Variants in ALK observed in about 807,000 individuals in gnomAD.
ALK encodes the protein ALK tyrosine kinase receptor.
ALK carries 74 observed loss-of-function variants against 163.1 expected under a neutral mutation model. That is an observed-to-expected ratio of 0.45 (90% CI 0.38 to 0.55). ALK has a LOEUF of 0.55. Ranked by LOEUF, ALK falls within the 20% of genes least tolerant of loss-of-function variation. The pLI, the probability that ALK is intolerant of heterozygous loss-of-function variation, is 0.00. For synonymous variants in ALK, 960 were observed against 843.2 expected (o/e 1.14, Z -2.40); for missense variants, 2,063 against 2,105.3 (o/e 0.98, Z 0.39).
intron 26 of ALK, among the ~76,000 whole-genome samples, chr2:29,200,161 G>A (rs944929848): frequency 9.2e-5 from 14 of 152,094 alleles, no homozygotes; most frequent in African/African-American, 3.1e-4. Flanking sequence ...CAAATTGCCT[G>A]GCACATATAT....
chr2:29,198,966 T>A (rs1669091741), intron 26 of ALK, among the ~76,000 whole-genome samples: 2 of 128,110 alleles, frequency 1.6e-5, no homozygotes. Flanking sequence ...GTTTTCTTTT[T>A]TTTTTTTTAT....
chr2:29,310,650 G>C (rs1015545072), intron 8 of ALK, among the ~76,000 whole-genome samples: 2 of 152,190 alleles, frequency 1.3e-5, no homozygotes, highest in Non-Finnish European at 2.9e-5. Flanking sequence ...TCCCCGCATG[G>C]CTGGCCACAC....
intron 4 of ALK, among the ~76,000 whole-genome samples, chr2:29,456,391 A>G (rs1223453710): frequency 3.9e-5 from 6 of 152,164 alleles, no homozygotes; most frequent in African/African-American, 1.4e-4. Context: ...CTTAAAGAGG[A>G]AAAAAAATTT....
chr2:29,890,258 A>G (rs1283703299), intron 1 of ALK: 3 of 152,226 alleles, frequency 2.0e-5, no homozygotes, highest in Non-Finnish European at 2.9e-5. Context: ...TTTTAGTACC[A>G]TACCTAACCT....
chr2:29,578,255 C>A (rs1674581099), intron 3 of ALK, among the ~76,000 whole-genome samples: 1 of 152,186 alleles, frequency 6.6e-6, no homozygotes, highest in Non-Finnish European at 1.5e-5. Flanking sequence ...CCCTCCTTGC[C>A]TTTCACCATA....
At chr2:29,310,022 G>C (rs990989336) in intron 8 of ALK, among the ~76,000 whole-genome samples, 2 of 152,180 alleles carry the variant, frequency 1.3e-5, no homozygotes, top group Admixed American at 6.5e-5. Flanking sequence ...ATTTTCCTCT[G>C]ATCCTGGTAA....
intron 5 of ALK, among the ~76,000 whole-genome samples, chr2:29,340,029 T>G (rs1308223716): frequency 6.6e-6 from 1 of 152,220 alleles, no homozygotes; most frequent in Admixed American, 6.5e-5. Flanking sequence ...TGTGATCCTT[T>G]CCTAAGGTTT....
intron 4 of ALK, among the ~76,000 whole-genome samples, chr2:29,417,877 G>A (rs138783802): frequency 5.8e-4 from 88 of 152,276 alleles, no homozygotes; most frequent in African/African-American, 2.0e-3. Flanking sequence ...CTTTAGACCC[G>A]AACGCATTTA....
At chr2:29,359,057 T>C (rs576535465) in intron 5 of ALK, among the ~76,000 whole-genome samples, 1 of 152,112 alleles carries the variant, frequency 6.6e-6, no homozygotes, top group East Asian at 1.9e-4. Context: ...ATTACAACAA[T>C]TGTTAAGAAG....
intron 3 of ALK, among the ~76,000 whole-genome samples, chr2:29,546,190 CTCATTT>C (rs1481707943): frequency 6.6e-6 from 1 of 152,094 alleles, no homozygotes; most frequent in Non-Finnish European, 1.5e-5. Flanking sequence ...TAGATCTCAC[CTCATTT>C]TTAGGTGAGA....
intron 3 of ALK, among the ~76,000 whole-genome samples, chr2:29,594,047 T>C (rs774502689): frequency 1.3e-5 from 2 of 152,160 alleles, no homozygotes; most frequent in African/African-American, 2.4e-5. Context: ...ATTTTACTAG[T>C]ATCTAGTGGG....
chr2:29,242,913 G>A (rs924077273), intron 12 of ALK, among the ~76,000 whole-genome samples: 1 of 152,230 alleles, frequency 6.6e-6, no homozygotes, highest in African/African-American at 2.4e-5. Flanking sequence ...TTCCAACCCA[G>A]ACAAGGGGCT....
At chr2:29,225,398 T>G (rs1444910359) in intron 19 of ALK, 63 bp downstream of exon 19, 2 of 1,406,880 alleles carry the variant, frequency 1.4e-6, no homozygotes, top group Admixed American at 1.9e-5. Flanking sequence ...TGGCACAGCC[T>G]GAGACACTAT....
At chr2:29,782,852 T>C (rs1225138912) in intron 1 of ALK, among the ~76,000 whole-genome samples, 1 of 152,206 alleles carries the variant, frequency 6.6e-6, no homozygotes, top group African/African-American at 2.4e-5. Flanking sequence ...CTTCTTGACA[T>C]GTTTATGCCA....
rs559222553 is a variant in ALK, at chr2:29,415,505, G to A, written c.1155-31646C>T. ...ATCCTTCTAGCATAAGATGGAGACC[G>A]TGAGCAAGGAGTTACCTTAGGACCA... On this transcript the variant is annotated intron_variant, in intron 4 of 28. Transcript: ENST00000389048. Among the ~76,000 whole-genome samples the A allele has an allele frequency of 3.9e-5, 6 of 152,274 alleles. No individual in the cohort carries two copies. In the South Asian group the frequency reaches 8.3e-4, roughly 21 times the overall value.
chr2:29,355,821 T>C (rs1668233253), intron 5 of ALK, among the ~76,000 whole-genome samples: 1 of 152,090 alleles, frequency 6.6e-6, no homozygotes, highest in Non-Finnish European at 1.5e-5. Flanking sequence ...TTAACTCCAA[T>C]GTTTAGGCTA....
At chr2:29,541,718 T>A (rs974281451) in intron 3 of ALK, among the ~76,000 whole-genome samples, 1 of 152,250 alleles carries the variant, frequency 6.6e-6, no homozygotes, top group South Asian at 2.1e-4. Flanking sequence ...AAAGTATTCC[T>A]GCAAAGCTGT....
chr2:29,756,320 T>C (rs1332441566), intron 1 of ALK, among the ~76,000 whole-genome samples: 3 of 152,236 alleles, frequency 2.0e-5, no homozygotes, highest in Non-Finnish European at 4.4e-5. Flanking sequence ...TTTCAGATTT[T>C]ATACTTTGTC....
In ALK at chr2:29,610,034, T is replaced by A. The variant is rs1242973575; in HGVS notation, c.953-77918A>T. On this transcript the variant is annotated intron_variant, in intron 3 of 28. Transcript: ENST00000389048. ...TGGCCCTGGTTTTGTCCTTGACACC[T>A]ATTTTGAGTAAATCTCATCGTTCAC... Among the ~76,000 whole-genome samples, 3 of 152,246 alleles carry A rather than the reference T, an allele frequency of 2.0e-5. No homozygotes were observed. The East Asian group carries it at 5.8e-4, about 29-fold the overall frequency.
Sources: gnomAD v4.1 joint callset for allele counts (sites outside exome capture counted in the v4.1 genomes callset) on GRCh38, gnomAD v4.1.1 for gene constraint, MANE v1.5 for transcripts, NCBI Gene and HGNC (gene_info 2026-07-23, HGNC 2026-07-21) for gene names.